CFAP46: variants seen among roughly 807,000 people sequenced by gnomAD.
CFAP46 encodes the protein cilia and flagella associated protein 46.
A neutral mutation model predicts 325.7 loss-of-function variants in CFAP46; 245 were observed. The observed-to-expected ratio is 0.75, with a 90% CI of 0.68 to 0.84. The LOEUF (loss-of-function observed/expected upper bound fraction) is 0.84, where lower values mean the gene tolerates loss of function less well. CFAP46 is among the 40% of genes least tolerant of loss of function. The pLI is 0.00. For synonymous variants in CFAP46, 1,523 were observed against 1,495.9 expected (o/e 1.02, Z -0.42); for missense variants, 3,346 against 3,543.0 (o/e 0.94, Z 1.41).
At chr10:132,940,527 G>T (rs977470810) in intron 4 of CFAP46, among the ~76,000 whole-genome samples, 1 of 152,204 alleles carries the variant, frequency 6.6e-6, no homozygotes, top group African/African-American at 2.4e-5. Context: ...GAACCGTGGG[G>T]AAGGAGAAGG....
chr10:132,822,840 G>C (rs1847904562), intron 50 of CFAP46, among the ~76,000 whole-genome samples: 1 of 117,072 alleles, frequency 8.5e-6, no homozygotes, highest in Non-Finnish European at 1.9e-5. Flanking sequence ...GATGTGTGCT[G>C]ATGTGTGCAC....
intron 17 of CFAP46, among the ~76,000 whole-genome samples, chr10:132,914,791 G>A (rs1203749790): frequency 1.4e-5 from 2 of 146,672 alleles, no homozygotes; most frequent in East Asian, 2.1e-4. Flanking sequence ...ACCCCGGCCC[G>A]AGGCTGTGTC....
chr10:132,916,837 C>T (rs1047775767), intron 16 of CFAP46, among the ~76,000 whole-genome samples, 155 bp from the exon 17 acceptor site: 1 of 152,170 alleles, frequency 6.6e-6, no homozygotes, highest in South Asian at 2.1e-4. Context: ...CTGGGCCTGC[C>T]CCAATAGCCA....
Position 132,899,933 on chromosome 10 carries a change from G to A in CFAP46, c.2925-267C>T, listed in dbSNP as rs573600740. Among the ~76,000 whole-genome samples the A allele has an allele frequency of 2.0e-5, 3 of 152,312 alleles. No homozygotes were observed. The East Asian group carries it at 5.8e-4, about 29-fold the overall frequency. ...ACGTGTGGCCTGGGTGCCGGAGACA[G>A]CCGCCCTGGGAATGCTCTCAACCAC... On this transcript the variant is annotated intron_variant, in intron 22 of 57. Transcript: ENST00000368586.
At chr10:132,845,036 C>A (rs977772423) in intron 44 of CFAP46, among the ~76,000 whole-genome samples, 1 of 152,156 alleles carries the variant, frequency 6.6e-6, no homozygotes, top group East Asian at 1.9e-4. Context: ...CAGGCACCCC[C>A]CTGCATGCCC....
chr10:132,920,264 G>A (rs1022503283), intron 13 of CFAP46, 82 bp from the exon 14 acceptor site: 73 of 1,423,540 alleles, frequency 5.1e-5, no homozygotes, highest in Non-Finnish European at 6.3e-5. Context: ...AATGCCCTGC[G>A]CCGGCGCCGG....
chr10:132,907,161 G>A (rs149790917), intron 22 of CFAP46, among the ~76,000 whole-genome samples: 19 of 152,386 alleles, frequency 1.2e-4, no homozygotes, highest in East Asian at 3.9e-4. Flanking sequence ...TGCTGCCCAC[G>A]CTGGCCATTT....
chr10:132,851,999 T>G (rs1848558400), intron 39 of CFAP46, among the ~76,000 whole-genome samples: 5 of 152,032 alleles, frequency 3.3e-5, no homozygotes, highest in Non-Finnish European at 5.9e-5. Context: ...TCCACAGACC[T>G]GGTATGTTCC....
In CFAP46 at chr10:132,812,772, G is replaced by A. The variant is rs775462298; in HGVS notation, c.7501+13C>T. 6.3e-7 allele frequency: 1 copy of A among 1,597,380 alleles called. No homozygotes were observed. Among genetic ancestry groups the A allele is most frequent in the Non-Finnish European group, 8.6e-7 (1 of 1,166,962 alleles). On this transcript the variant is annotated intron_variant, in intron 55 of 57. Coordinates refer to ENST00000368586, the MANE Select transcript of CFAP46 (RefSeq NM_001200049.3). The stretch of plus-strand genomic sequence containing the variant: ...GCCCGCGGGGGAGGGGGTGCTGAGA[G>A]GACACCTCTCACCTTGCAAGTTCAT...
rs1848167121 is a variant in CFAP46 at position 132,832,501 on chromosome 10, TCGTCAA to T, written c.7117+851_7117+856del. 4 of 305,422 alleles carry T rather than the reference TCGTCAA, an allele frequency of 1.3e-5. No homozygotes were observed. The highest frequency in any genetic ancestry group is 1.0e-4 in the South Asian group (4 of 39,010). The allele number at this position is 305,422 out of a possible 1,614,324, so 18.9% of individuals were successfully genotyped here. On this transcript the variant is annotated intron_variant, in intron 50 of 57. Transcript: ENST00000368586. The surrounding 1 kb of genome is among the most constrained non-coding windows in gnomAD (Gnocchi z 4.1). ...AGGCCCCCCGTCCTGCGCGGACTGCTCGTCAATGTTTGAAAACCCTCATTTCATGTG... is the reference window on the plus strand; with the variant it reads ...AGGCCCCCCGTCCTGCGCGGACTGCTTGTTTGAAAACCCTCATTTCATGTG...
rs1848704241 is a variant in CFAP46, at chr10:132,860,411, A to G, written c.5198+6T>C. 5.8e-6 allele frequency: 9 copies of G among 1,543,346 alleles called. No individual in the cohort carries two copies. The highest frequency in any genetic ancestry group is 7.9e-6 in the Non-Finnish European group (9 of 1,140,096). On this transcript the variant is annotated splice_donor_region_variant and intron_variant, in intron 37 of 57. Transcript: ENST00000368586. ...CTAATGAACAGTGTTTCTTACAAAG[A>G]GTTACCTGGCTTCTAGATCTGTGAT...
At position 132,876,691 on chromosome 10, in the gene CFAP46, G is replaced by T; in HGVS notation, c.4362+121C>A. ...GCCTGTGGGAGGCTGGGGGCTGATG[G>T]GACTCTGTCCTGTCCTCCTTTTTCT... On this transcript the variant is annotated intron_variant, in intron 31 of 57. Coordinates refer to ENST00000368586, the MANE Select transcript of CFAP46 (RefSeq NM_001200049.3). This position sits in a 1 kb window ranked among gnomAD's most constrained non-coding sequence, Gnocchi z 4.1. The T allele has an allele frequency of 9.6e-7, 1 of 1,045,046 alleles. No homozygotes were observed. The highest frequency in any genetic ancestry group is 1.6e-5 in the African/African-American group (1 of 61,884). The allele number at this position is 1,045,046 out of a possible 1,614,324, so 64.7% of individuals were successfully genotyped here. A position where few individuals can be genotyped will look rare whatever the true frequency, so the allele number is the denominator to read the frequency against.
chr10:132,909,907 A>G lies in CFAP46; in HGVS notation c.2649+12T>C. ...CCTCAGTCAGAGCCCAGATGTGGGC[A>G]GGGGCGCCCACCTGCTCCTCGGTGC... On this transcript the variant is annotated intron_variant, in intron 20 of 57. Coordinates refer to ENST00000368586, the MANE Select transcript of CFAP46 (RefSeq NM_001200049.3). The G allele has an allele frequency of 7.0e-7, 1 of 1,435,456 alleles. No homozygotes were observed. Among genetic ancestry groups the G allele is most frequent in the Non-Finnish European group, 9.1e-7 (1 of 1,097,154 alleles). The allele number at this position is 1,435,456 out of a possible 1,614,324, so 88.9% of individuals were successfully genotyped here. A position where few individuals can be genotyped will look rare whatever the true frequency, so the allele number is the denominator to read the frequency against.
At chr10:132,866,388 G>A (rs1302699328) in intron 34 of CFAP46, among the ~76,000 whole-genome samples, 1 of 152,164 alleles carries the variant, frequency 6.6e-6, no homozygotes, top group Non-Finnish European at 1.5e-5. Flanking sequence ...CAGACCTCCT[G>A]CACCCTGGGC....
rs930672986 is a variant in CFAP46, at chr10:132,817,396, CTG to C, written c.7118-2484_7118-2483del. On this transcript the variant is annotated intron_variant, in intron 50 of 57. Transcript: ENST00000368586. This position sits in a 1 kb window ranked among gnomAD's most constrained non-coding sequence, Gnocchi z 4.4. ...GCATGCGGCTGGCACCTCTTATCTC[CTG>C]TGTCTTCTCACTGGCAGGGTTGGCC... Among the ~76,000 whole-genome samples, 66 of 152,362 alleles carry C rather than the reference CTG, an allele frequency of 4.3e-4. No individual in the cohort carries two copies. Among genetic ancestry groups the C allele is most frequent in the African/African-American group, 1.5e-3 (64 of 41,582 alleles).
At chr10:132,864,708 A>G (rs1338926952) in intron 35 of CFAP46, among the ~76,000 whole-genome samples, 1 of 112,300 alleles carries the variant, frequency 8.9e-6, no homozygotes. Flanking sequence ...CCTGCCTGAG[A>G]CCTGCACACA....
At chr10:132,913,443 C>T (rs565810887) in intron 17 of CFAP46, among the ~76,000 whole-genome samples, 185 bp from the exon 18 acceptor site, 8 of 152,322 alleles carry the variant, frequency 5.3e-5, no homozygotes, top group South Asian at 4.1e-4. Flanking sequence ...ACCTGAGCCC[C>T]GCCTCCCGTC....
intron 9 of CFAP46, chr10:132,929,234 A>G (rs973427871): frequency 1.9e-6 from 1 of 513,642 alleles, no homozygotes; most frequent in African/African-American, 1.9e-5. Context: ...AGATACAATC[A>G]TAACACTATA....
At position 132,863,197 on chromosome 10, in the gene CFAP46, C is replaced by T. The variant is rs183927916; in HGVS notation, c.4891-2215G>A. On this transcript the variant is annotated intron_variant, in intron 35 of 57. Coordinates refer to ENST00000368586, the MANE Select transcript of CFAP46 (RefSeq NM_001200049.3). ...TCAGGACCACGGAGGCCCCGGCATG[C>T]AGCAGACTCACTCCCTAAGTCCCAG... is the stretch of plus-strand genomic sequence containing the variant. Among the ~76,000 whole-genome samples the T allele has an allele frequency of 9.2e-3, 1,406 of 152,154 alleles. 12 individuals are homozygous for T. The highest frequency in any genetic ancestry group is 0.043 in the South Asian group (206 of 4,810).
Sources: allele counts gnomAD v4.1 joint callset (sites outside exome capture counted in the v4.1 genomes callset), GRCh38; gene constraint gnomAD v4.1.1; non-coding constraint Gnocchi (gnomAD v3.1); transcripts MANE v1.5; gene names NCBI Gene and HGNC (gene_info 2026-07-23, HGNC 2026-07-21).